The following NEGR1 variants were observed in gnomAD, a reference collection of about 807,000 sequenced individuals.
NEGR1 encodes the protein neuronal growth regulator 1.
NEGR1 carries 10 observed loss-of-function variants against 40.9 expected under a neutral mutation model. The observed-to-expected ratio is 0.24, with a 90% CI of 0.15 to 0.42. The LOEUF is 0.42. Ranked by LOEUF, NEGR1 falls within the 10% of genes least tolerant of loss-of-function variation. The pLI, the probability that NEGR1 is intolerant of heterozygous loss-of-function variation, is 1.00. For missense variants in NEGR1, 352 were observed against 438.9 expected (o/e 0.80, Z 1.77); for synonymous variants, 185 against 166.8 (o/e 1.11, Z -0.84).
At chr1:72,088,828 C>T (rs1181782910) in intron 1 of NEGR1, among the ~76,000 whole-genome samples, 4 of 93,950 alleles carry the variant, frequency 4.3e-5, no homozygotes, top group Non-Finnish European at 7.7e-5. Flanking sequence ...TTTTTTGAGA[C>T]GGAATGGACT....
intron 6 of NEGR1, among the ~76,000 whole-genome samples, chr1:71,529,361 A>C (rs1310885454): frequency 6.6e-6 from 1 of 151,230 alleles, no homozygotes; most frequent in Non-Finnish European, 1.5e-5. Flanking sequence ...TAAAACCAGC[A>C]TTAGGGCATT....
chr1:71,753,834 G>A (rs1655646396), intron 3 of NEGR1, among the ~76,000 whole-genome samples: 2 of 152,074 alleles, frequency 1.3e-5, no homozygotes, highest in Admixed American at 6.6e-5. Context: ...AATATGTGAC[G>A]GCTGGAGAGC....
chr1:71,958,212 T>C (rs1331880269), intron 1 of NEGR1, among the ~76,000 whole-genome samples: 1 of 152,224 alleles, frequency 6.6e-6, no homozygotes, highest in African/African-American at 2.4e-5. Context: ...CCTTGTAGCC[T>C]TCCCTTTCTT....
chr1:71,497,160 A>G (rs2101394927), intron 6 of NEGR1, among the ~76,000 whole-genome samples: 1 of 152,302 alleles, frequency 6.6e-6, no homozygotes, highest in South Asian at 2.1e-4. Context: ...ACCAGCTAGT[A>G]TTTTACATAC....
At chr1:71,827,053 C>T (rs1470606423) in intron 2 of NEGR1, among the ~76,000 whole-genome samples, 1 of 151,716 alleles carries the variant, frequency 6.6e-6, no homozygotes, top group Admixed American at 6.6e-5. Flanking sequence ...GAGCAGTTGC[C>T]ACTATTGGCT....
At chr1:71,462,152 A>T (rs892366676) in intron 6 of NEGR1, among the ~76,000 whole-genome samples, 4 of 152,182 alleles carry the variant, frequency 2.6e-5, no homozygotes, top group Admixed American at 2.0e-4. Context: ...AAATCCTCTT[A>T]TAAGTAAAAT....
chr1:71,950,594 G>C (rs1400537324), intron 1 of NEGR1, among the ~76,000 whole-genome samples: 1 of 151,864 alleles, frequency 6.6e-6, no homozygotes, highest in South Asian at 2.1e-4. Flanking sequence ...AATCTTTTAT[G>C]AAAATCAAAA....
At chr1:71,875,440 G>C (rs1660398032) in intron 2 of NEGR1, among the ~76,000 whole-genome samples, 1 of 152,096 alleles carries the variant, frequency 6.6e-6, no homozygotes. Flanking sequence ...TGAGTCTTTG[G>C]AATTTAGCCG....
intron 1 of NEGR1, among the ~76,000 whole-genome samples, chr1:72,153,127 G>T (rs1651187092): frequency 6.6e-6 from 1 of 151,708 alleles, no homozygotes; most frequent in African/African-American, 2.4e-5. Context: ...TAAAATAAAA[G>T]TTCAATTAAA....
At chr1:71,965,772 C>T (rs901959659) in intron 1 of NEGR1, among the ~76,000 whole-genome samples, 4 of 152,030 alleles carry the variant, frequency 2.6e-5, no homozygotes, top group African/African-American at 9.7e-5. Context: ...TGAATATGAA[C>T]TCAGATCTAA....
intron 3 of NEGR1, among the ~76,000 whole-genome samples, chr1:71,707,841 G>C (rs1334995235): frequency 6.6e-6 from 1 of 152,144 alleles, no homozygotes; most frequent in African/African-American, 2.4e-5. Flanking sequence ...AGTAAAGGAA[G>C]AGAACAAGAG....
chr1:71,451,456 C>T (rs1646627635), intron 6 of NEGR1, among the ~76,000 whole-genome samples: 1 of 151,758 alleles, frequency 6.6e-6, no homozygotes, highest in African/African-American at 2.4e-5. Context: ...GCCTCAGCCT[C>T]CCGAGTAGCT....
chr1:71,730,535 C>G (rs1654824348), intron 3 of NEGR1, among the ~76,000 whole-genome samples: 1 of 141,410 alleles, frequency 7.1e-6, no homozygotes, highest in Admixed American at 7.2e-5. Flanking sequence ...TATAATTTGA[C>G]TTTTCAAATT....
chr1:71,979,320 C>A (rs1473403978), intron 1 of NEGR1, among the ~76,000 whole-genome samples: 2 of 151,952 alleles, frequency 1.3e-5, no homozygotes, highest in East Asian at 3.9e-4. Flanking sequence ...ATGAGTTTAC[C>A]TACATAACAA....
At chr1:72,170,281 A>T (rs1282362221) in intron 1 of NEGR1, among the ~76,000 whole-genome samples, 1 of 152,260 alleles carries the variant, frequency 6.6e-6, no homozygotes, top group South Asian at 2.1e-4. Flanking sequence ...TCACTTTTTC[A>T]ATGATAATAT....
chr1:71,661,933 ACCT>A (rs1453487802), intron 4 of NEGR1, among the ~76,000 whole-genome samples: 13 of 152,210 alleles, frequency 8.5e-5, no homozygotes, highest in African/African-American at 3.1e-4. Context: ...AAATGATTTA[ACCT>A]CCTTTTGTAG....
At chr1:71,897,773 G>C (rs1276793446) in intron 2 of NEGR1, among the ~76,000 whole-genome samples, 1 of 152,106 alleles carries the variant, frequency 6.6e-6, no homozygotes, top group Non-Finnish European at 1.5e-5. Flanking sequence ...TTTATCCAAA[G>C]TTTGGTCAAC....
chr1:71,487,322 C>G (rs1480352258), intron 6 of NEGR1, among the ~76,000 whole-genome samples: 1 of 151,674 alleles, frequency 6.6e-6, no homozygotes, highest in African/African-American at 2.4e-5. Flanking sequence ...CTCTTTCCCT[C>G]ACAGCTGTCT....
At chr1:72,194,227 TATATA>T (rs1652922256) in intron 1 of NEGR1, among the ~76,000 whole-genome samples, 1 of 151,864 alleles carries the variant, frequency 6.6e-6, no homozygotes, top group Non-Finnish European at 1.5e-5. Flanking sequence ...TAATATATAT[TATATA>T]ATATCTCTCT....
Sources: allele counts gnomAD v4.1 joint callset (sites outside exome capture counted in the v4.1 genomes callset), GRCh38; gene constraint gnomAD v4.1.1; transcripts MANE v1.5; gene names NCBI Gene and HGNC (gene_info 2026-07-23, HGNC 2026-07-21).